ENOSF1: variants seen among roughly 807,000 people sequenced by gnomAD.
ENOSF1 encodes enolase superfamily member 1.
In ENOSF1, 73 loss-of-function variants were observed where a neutral mutation model predicts 68.2. The ratio of observed to expected loss-of-function variants is 1.07; its 90% CI spans 0.89 to 1.30. The LOEUF (loss-of-function observed/expected upper bound fraction) is 1.30. Among genes scored for constraint, ENOSF1 ranks in the 50% most tolerant of loss-of-function variants. The probability of loss-of-function intolerance (pLI) is 0.00; values close to 1 mark genes in which losing one functional copy is unlikely to be tolerated. For missense variants in ENOSF1, 589 were observed against 554.5 expected (o/e 1.06, Z -0.62); for synonymous variants, 223 against 210.4 (o/e 1.06, Z -0.52).
chr18:692,944 T>A (rs1403137978), intron 5 of ENOSF1: 2 of 1,172,938 alleles, frequency 1.7e-6, no homozygotes, highest in African/African-American at 3.2e-5. Context: ...TTTTCCTTAA[T>A]TTTTTGCCAA....
At position 698,225 on chromosome 18, in the gene ENOSF1, T is replaced by A. The variant is rs188066483; in HGVS notation, c.194-870A>T. Among the ~76,000 whole-genome samples the A allele has an allele frequency of 7.9e-5, 12 of 152,338 alleles. 1 individual carries two copies. The highest frequency in any genetic ancestry group is 2.0e-4 in the Admixed American group (3 of 15,304). ...GTCACATGAAAAACAGAATCATAGA[T>A]TGACAAGTTTAAATATAAATGTTCC... On this transcript the variant is annotated intron_variant, in intron 2 of 15. Transcript: ENST00000647584.
intron 11 of ENOSF1, 96 bp from the exon 12 acceptor site, chr18:678,833 CT>C: frequency 1.5e-6 from 2 of 1,372,224 alleles, no homozygotes; most frequent in Non-Finnish European, 2.1e-6. Flanking sequence ...GGAAACGGCC[CT>C]GCTGTTAAGC....
In ENOSF1 at chr18:696,126, G is replaced by T. The variant is rs550085335; in HGVS notation, c.309+1114C>A. Among the ~76,000 whole-genome samples, 4 of 151,466 alleles carry T rather than the reference G, an allele frequency of 2.6e-5. No individual in the cohort carries two copies. The South Asian group carries it at 8.4e-4, about 32-fold the overall frequency. Reference sequence around the variant, plus strand: ...AGTTCAAATACCAAACACATAAAAGGTACCATGGTCTTCCATCTTTTTAAA... The same window carrying T: ...AGTTCAAATACCAAACACATAAAAGTTACCATGGTCTTCCATCTTTTTAAA... On this transcript the variant is annotated intron_variant, in intron 3 of 15. Transcript: ENST00000647584.
At position 673,729 on chromosome 18, in the gene ENOSF1, A is replaced by G. The variant is rs1293257887; in HGVS notation, c.*576T>C. The G allele has an allele frequency of 1.0e-5, 1 of 98,296 alleles. No individual in the cohort carries two copies. The highest frequency in any genetic ancestry group is 5.1e-5 in the African/African-American group (1 of 19,716). 6.1% of individuals were successfully genotyped at this position (98,296 alleles called of 1,614,324 possible). ...GATAGAGTTTTTTTTTTTTTTTTTT[A>G]AACTTTTATAACCTTAAAGGGTTAT... On this transcript the variant is annotated 3_prime_UTR_variant, in exon 16 of 16. Coordinates refer to ENST00000647584, the MANE Select transcript of ENOSF1 (RefSeq NM_017512.7).
Position 677,962 on chromosome 18 carries a change from A to G in ENOSF1, c.919-90T>C, listed in dbSNP as rs2075683387. On this transcript the variant is annotated intron_variant, in intron 12 of 15. Coordinates refer to ENST00000647584, the MANE Select transcript of ENOSF1 (RefSeq NM_017512.7). ...CTGGCAACGCAGCCACTCTATGCCA[A>G]TAATTATTCATCAGTGGCCGTCAGG... 5.6e-6 allele frequency: 8 copies of G among 1,441,112 alleles called. No homozygotes were observed. The Admixed American group carries it at 1.5e-4, about 27-fold the overall frequency. The allele number at this position is 1,441,112 out of a possible 1,614,324, so 89.3% of individuals were successfully genotyped here.
At chr18:683,496 C>G in intron 10 of ENOSF1, 116 bp from the exon 11 acceptor site, 1 of 1,224,814 alleles carries the variant, frequency 8.2e-7, no homozygotes, top group Non-Finnish European at 1.2e-6. Flanking sequence ...AGTGAGACCC[C>G]CTAACGCCTC....
chr18:692,425 G>C (rs1297858056), intron 5 of ENOSF1: 1 of 152,356 alleles, frequency 6.6e-6, no homozygotes, highest in African/African-American at 2.4e-5. Context: ...TGACCAACAT[G>C]GTGAAACCCC....
At chr18:683,847 C>G (rs1486223634) in intron 10 of ENOSF1, among the ~76,000 whole-genome samples, 1 of 151,988 alleles carries the variant, frequency 6.6e-6, no homozygotes, top group Non-Finnish European at 1.5e-5. Flanking sequence ...TAATAAGTAG[C>G]CTTAACTCTC....
chr18:677,997 C>G, intron 12 of ENOSF1, 125 bp from the exon 13 acceptor site: 2 of 1,194,846 alleles, frequency 1.7e-6, no homozygotes, highest in Non-Finnish European at 2.3e-6. Flanking sequence ...GAAGCCCAGA[C>G]TGTATTTCTT....
chr18:693,126 C>T, intron 5 of ENOSF1: 5 of 1,289,118 alleles, frequency 3.9e-6, no homozygotes, highest in Non-Finnish European at 5.1e-6. Flanking sequence ...GAAGCTCATT[C>T]CCCTTTAATT....
chr18:685,020 TG>T (rs1172375301), intron 10 of ENOSF1, among the ~76,000 whole-genome samples: 2 of 39,908 alleles, frequency 5.0e-5, no homozygotes, highest in African/African-American at 1.1e-4. Context: ...CCACCACACC[TG>T]GTTAATTTTT....
chr18:708,495 A>AC (rs1208868129), intron 1 of ENOSF1, among the ~76,000 whole-genome samples: 1 of 152,074 alleles, frequency 6.6e-6, no homozygotes, highest in Non-Finnish European at 1.5e-5. Context: ...ACAAAGCGAG[A>AC]CCCCATCTCT....
rs1476205088 is a variant in ENOSF1 at position 691,101 on chromosome 18, G to A, written c.502C>T (p.Leu168=). The change falls in exon 7 of 16, where the codon CTG becomes TTG. Residue 168 remains leucine (L), a synonymous_variant. Transcript: ENST00000647584. ...TTTTTACCAATTTGACCTTTCTGCA[G>A]TATTTCTGGAAGAAATAAAAAGCAT... ...VLTEEDALEI[L]QKGQIGKKER... is the part of the protein sequence containing the mutation. The A allele has an allele frequency of 6.2e-7, 1 of 1,614,194 alleles. No individual in the cohort carries two copies. The highest frequency in any genetic ancestry group is 8.5e-7 in the Non-Finnish European group (1 of 1,180,014).
rs2078951877 is a variant in ENOSF1, at chr18:706,533, C to G, written c.130G>C (p.Asp44His). 6.2e-7 allele frequency: 1 copy of G among 1,613,984 alleles called. No individual in the cohort carries two copies. Among genetic ancestry groups the G allele is most frequent in the African/African-American group, 1.3e-5 (1 of 75,028 alleles). The change falls in exon 2 of 16, where the codon GAT becomes CAT. Residue 44 changes from aspartate (D) to histidine (H), a missense_variant. Asp to His is a moderately conservative substitution (Grantham distance 81). Transcript: ENST00000647584. ...YSAAYVVIETDAEDGIKGCGI... is the reference protein window; with the variant it reads ...YSAAYVVIETHAEDGIKGCGI... ...CACCCCTTGATTCCATCTTCTGCAT[C>G]AGTTTCTATGACGACATAGGCAGCC...
Position 696,274 on chromosome 18 carries a change from C to T in ENOSF1, c.309+966G>A, listed in dbSNP as rs535716935. On this transcript the variant is annotated intron_variant, in intron 3 of 15. Transcript: ENST00000647584. ...TTGCCCAGGCTGGAGTGCAGTGGTG[C>T]GATCTCGGCTCACTGCAAGCTCCGC... Among the ~76,000 whole-genome samples, 214 of 135,438 alleles carry T rather than the reference C, an allele frequency of 1.6e-3. 1 individual carries two copies. The highest frequency in any genetic ancestry group is 5.9e-3 in the African/African-American group (203 of 34,478). The allele number at this position is 135,438 out of a possible 152,430, so 88.9% of individuals were successfully genotyped here.
intron 10 of ENOSF1, among the ~76,000 whole-genome samples, chr18:685,417 T>G (rs1458576829): frequency 1.3e-5 from 2 of 151,872 alleles, no homozygotes; most frequent in Non-Finnish European, 2.9e-5. Flanking sequence ...AACTCAAAAT[T>G]TCTATTTTAA....
intron 11 of ENOSF1, among the ~76,000 whole-genome samples, chr18:679,197 C>A (rs180706488): frequency 1.7e-4 from 25 of 145,192 alleles, no homozygotes; most frequent in African/African-American, 6.3e-4. Context: ...CCTTCTAGAA[C>A]CCTCTCATAT....
intron 3 of ENOSF1, among the ~76,000 whole-genome samples, chr18:696,298 G>A (rs952904949): frequency 7.8e-5 from 11 of 140,618 alleles, no homozygotes; most frequent in African/African-American, 2.2e-4. Flanking sequence ...TGCAAGCTCC[G>A]CCTCCCAGGT....
chr18:669,070 A>G (rs1370345258), downstream of ENOSF1: 3 of 1,612,808 alleles, frequency 1.9e-6, no homozygotes. Context: ...ACAATTCTAC[A>G]GATTATTCAG....
Sources: gnomAD v4.1 joint callset for allele counts (sites outside exome capture counted in the v4.1 genomes callset) on GRCh38, gnomAD v4.1.1 for gene constraint, MANE v1.5 for transcripts, NCBI Gene and HGNC (gene_info 2026-07-23, HGNC 2026-07-21) for gene names.